The following TRIB1 variants were observed in gnomAD, a reference collection of about 807,000 sequenced individuals.
The protein encoded by TRIB1 is tribbles pseudokinase 1.
In TRIB1, 12 loss-of-function variants were observed where a neutral mutation model predicts 27.8. The ratio of observed to expected loss-of-function variants is 0.43; its 90% CI spans 0.28 to 0.70. TRIB1 has a LOEUF of 0.70. Among genes scored for constraint, TRIB1 ranks in the 30% least tolerant of loss-of-function variants. The pLI is 0.18. For synonymous variants in TRIB1, 230 were observed against 224.9 expected (o/e 1.02, Z -0.20); for missense variants, 475 against 515.8 (o/e 0.92, Z 0.77).
In TRIB1 at chr8:125,436,056, A is replaced by T; in HGVS notation, c.704A>T (p.Glu235Val). 6.2e-7 allele frequency: 1 copy of T among 1,613,992 alleles called. No homozygotes were observed. Among genetic ancestry groups the T allele is most frequent in the Non-Finnish European group, 8.5e-7 (1 of 1,179,984 alleles). Residue 235 changes from glutamate (E) to valine (V), a missense_variant, in exon 3 of 3, where the codon GAA becomes GTA. Glu to Val is a moderately radical substitution (Grantham distance 121). Coordinates refer to ENST00000311922, the MANE Select transcript of TRIB1 (RefSeq NM_025195.4). ...GAAGACACACACATAATGAAGGGGG[A>T]AGATGATGCTTTGTCAGACAAACAT... ...SLEDTHIMKG[E>V]DDALSDKHGC...
In TRIB1 at chr8:125,433,248, T is replaced by A. The variant is rs1268029271; in HGVS notation, c.361-69T>A. ...CACAGGTTGAGAACTTCTGTTCAGC[T>A]CCCTCAGGGGTTTGGGAGGCTGCCT... is the stretch of plus-strand genomic sequence containing the variant. On this transcript the variant is annotated intron_variant, in intron 1 of 2. Coordinates refer to ENST00000311922, the MANE Select transcript of TRIB1 (RefSeq NM_025195.4). This position sits in a 1 kb window ranked among gnomAD's most constrained non-coding sequence, Gnocchi z 4.4. 30 of 1,505,318 alleles carry A rather than the reference T, an allele frequency of 2.0e-5. No homozygotes were observed. The highest frequency in any genetic ancestry group is 2.7e-5 in the Non-Finnish European group (30 of 1,103,142). 93.2% of individuals were successfully genotyped at this position (1,505,318 alleles called of 1,614,324 possible).
rs1814742376 is a variant in TRIB1 at position 125,436,063 on chromosome 8, T to C, written c.711T>C (p.Asp237=). ...EDTHIMKGED[D]ALSDKHGCPA... is the part of the protein sequence containing the mutation. ...CACACATAATGAAGGGGGAAGATGA[T>C]GCTTTGTCAGACAAACATGGCTGCC... Residue 237 remains aspartate (D), a synonymous_variant, in exon 3 of 3, where the codon GAT becomes GAC. Coordinates refer to ENST00000311922, the MANE Select transcript of TRIB1 (RefSeq NM_025195.4). The C allele has an allele frequency of 6.2e-7, 1 of 1,614,080 alleles. No homozygotes were observed. The highest frequency in any genetic ancestry group is 1.3e-5 in the African/African-American group (1 of 74,918).
Position 125,437,864 on chromosome 8 carries a change from A to C in TRIB1, c.*1393A>C, listed in dbSNP as rs1033287662. 1 of 152,836 alleles carries C rather than the reference A, an allele frequency of 6.5e-6. No homozygotes were observed. Among genetic ancestry groups the C allele is most frequent in the Non-Finnish European group, 1.5e-5 (1 of 68,050 alleles). The allele number at this position is 152,836 out of a possible 1,614,324, so 9.5% of individuals were successfully genotyped here. On this transcript the variant is annotated 3_prime_UTR_variant, in exon 3 of 3. Coordinates refer to ENST00000311922, the MANE Select transcript of TRIB1 (RefSeq NM_025195.4). Reference sequence around the variant, plus strand: ...TCAGTAACTGTCTTGGACAGTGCTGAAATCAGGTGGTTAAACGGGTAAACA... The same window carrying C: ...TCAGTAACTGTCTTGGACAGTGCTGCAATCAGGTGGTTAAACGGGTAAACA...
Position 125,430,759 on chromosome 8 carries a change from C to T in TRIB1, c.-144C>T, listed in dbSNP as rs1586846594. ...CGCCGGGGAGTGGCTCCTGCTTTGC[C>T]CCTCGTGGGGGCCGAGCCAAGACCA... On this transcript the variant is annotated 5_prime_UTR_variant, in exon 1 of 3. Transcript: ENST00000311922. The T allele has an allele frequency of 4.4e-6, 5 of 1,124,178 alleles. No individual in the cohort carries two copies. Among genetic ancestry groups the T allele is most frequent in the Non-Finnish European group, 5.8e-6 (5 of 869,070 alleles). 69.6% of individuals were successfully genotyped at this position (1,124,178 alleles called of 1,614,324 possible).
intron 2 of TRIB1, among the ~76,000 whole-genome samples, chr8:125,434,174 A>C (rs1814710005): frequency 6.6e-6 from 1 of 152,130 alleles, no homozygotes; most frequent in African/African-American, 2.4e-5. Context: ...TTGAATAGTA[A>C]ATGGAAGTTG....
Position 125,437,514 on chromosome 8 carries a change from A to T in TRIB1, c.*1043A>T, listed in dbSNP as rs1159966366. ...CTCCCAGATATGGTCCGCCTTTGGC[A>T]TTGTGTGTACATCTGCAGTTTTGCA... On this transcript the variant is annotated 3_prime_UTR_variant, in exon 3 of 3. Coordinates refer to ENST00000311922, the MANE Select transcript of TRIB1 (RefSeq NM_025195.4). 6.6e-6 allele frequency: 1 copy of T among 152,358 alleles called. No homozygotes were observed. 9.4% of individuals were successfully genotyped at this position (152,358 alleles called of 1,614,324 possible). A position where few individuals can be genotyped will look rare whatever the true frequency, so the allele number is the denominator to read the frequency against.
Position 125,433,381 on chromosome 8 carries a change from A to C in TRIB1, c.425A>C (p.Asn142Thr). 2 of 1,614,250 alleles carry C rather than the reference A, an allele frequency of 1.2e-6. No homozygotes were observed. Among genetic ancestry groups the C allele is most frequent in the Non-Finnish European group, 1.7e-6 (2 of 1,180,046 alleles). The change falls in exon 2 of 3, where the codon AAC (asparagine) becomes ACC (threonine). Residue 142 changes from asparagine (N) to threonine (T), a missense_variant. Transcript: ENST00000311922. The surrounding 1 kb of genome is among the most constrained non-coding windows in gnomAD (Gnocchi z 4.4). ...TACATCCAGCTGCCATCGCACAGCA[A>C]CATTACTGGCATTGTGGAAGTGATC... ...RPYIQLPSHSNITGIVEVILG... is the reference protein window; with the variant it reads ...RPYIQLPSHSTITGIVEVILG...
At chr8:125,432,703 G>T (rs1378693091) in intron 1 of TRIB1, among the ~76,000 whole-genome samples, 1 of 152,158 alleles carries the variant, frequency 6.6e-6, no homozygotes, top group Non-Finnish European at 1.5e-5. Flanking sequence ...ACTCAAGGCT[G>T]CTTACACTTG....
rs1241107540 is a variant in TRIB1 at position 125,430,735 on chromosome 8, G to T, written c.-168G>T. 4.5e-6 allele frequency: 4 copies of T among 896,502 alleles called. No homozygotes were observed. In the African/African-American group the frequency reaches 5.3e-5, roughly 12 times the overall value. 55.5% of individuals were successfully genotyped at this position (896,502 alleles called of 1,614,324 possible). On this transcript the variant is annotated 5_prime_UTR_variant, in exon 1 of 3. Transcript: ENST00000311922. ...CGTGGTCCCCGCGTGCAACGCGAGC[G>T]CCGGGGAGTGGCTCCTGCTTTGCCC...
At chr8:125,434,711 C>T (rs993342783) in intron 2 of TRIB1, among the ~76,000 whole-genome samples, 1 of 152,078 alleles carries the variant, frequency 6.6e-6, no homozygotes, top group South Asian at 2.1e-4. Flanking sequence ...TTTGGCAACC[C>T]GGGGGTTAAG....
chr8:125,431,583 TTC>T (rs989006272), intron 1 of TRIB1, among the ~76,000 whole-genome samples: 1 of 152,218 alleles, frequency 6.6e-6, no homozygotes, highest in Non-Finnish European at 1.5e-5. Context: ...GCCATTCCCC[TTC>T]TCTCATTCTC....
In TRIB1 at chr8:125,437,671, C is replaced by G. The variant is rs1346097162; in HGVS notation, c.*1200C>G. On this transcript the variant is annotated 3_prime_UTR_variant, in exon 3 of 3. Transcript: ENST00000311922. ...AAAAATCATCCGGTCCAATCTCTTT[C>G]CTCTTTCTGCCACCTCCCAAGGCAG... 6.6e-6 allele frequency: 1 copy of G among 152,350 alleles called. No individual in the cohort carries two copies. Among genetic ancestry groups the G allele is most frequent in the African/African-American group, 2.4e-5 (1 of 41,456 alleles). 9.4% of individuals were successfully genotyped at this position (152,350 alleles called of 1,614,324 possible). A position where few individuals can be genotyped will look rare whatever the true frequency, so the allele number is the denominator to read the frequency against.
intron 1 of TRIB1, 113 bp downstream of exon 1, chr8:125,431,375 G>A: frequency 1.8e-6 from 2 of 1,121,080 alleles, no homozygotes; most frequent in Non-Finnish European, 2.3e-6. Context: ...CGGATCAGTA[G>A]ATTGGGTCAG....
At chr8:125,435,217 T>C (rs1257065086) in intron 2 of TRIB1, among the ~76,000 whole-genome samples, 4 of 151,082 alleles carry the variant, frequency 2.6e-5, no homozygotes, top group Non-Finnish European at 5.9e-5. Flanking sequence ...AGACCCCCCC[T>C]GTAGAATACA....
Position 125,431,146 on chromosome 8 carries a change from T to A in TRIB1, c.244T>A (p.Ser82Thr). Residue 82 changes from serine to threonine, a missense_variant, in exon 1 of 3, where the codon TCC becomes ACC. By Grantham distance (58) the Ser-to-Thr change is moderately conservative. Transcript: ENST00000311922. ...PPAAPGAGGG[S>T]GSAPGPSRIA... ...TGCCGCTCCGGGGGCCGGCGGAGGC[T>A]CCGGGAGCGCGCCGGGGCCCAGCCG... is the stretch of plus-strand genomic sequence containing the variant. The A allele has an allele frequency of 7.6e-7, 1 of 1,311,034 alleles. No homozygotes were observed. Among genetic ancestry groups the A allele is most frequent in the Non-Finnish European group, 9.6e-7 (1 of 1,037,714 alleles). The allele number at this position is 1,311,034 out of a possible 1,614,324, so 81.2% of individuals were successfully genotyped here. A position where few individuals can be genotyped will look rare whatever the true frequency, so the allele number is the denominator to read the frequency against.
chr8:125,436,964 T>A lies in TRIB1; in HGVS notation c.*493T>A, dbSNP rs1038452704. 14 of 181,312 alleles carry A rather than the reference T, an allele frequency of 7.7e-5. No individual in the cohort carries two copies. The highest frequency in any genetic ancestry group is 3.3e-4 in the African/African-American group (14 of 41,814). The allele number at this position is 181,312 out of a possible 1,614,324, so 11.2% of individuals were successfully genotyped here. A position where few individuals can be genotyped will look rare whatever the true frequency, so the allele number is the denominator to read the frequency against. ...CTGATGGGAAAGTTCCTTTTTTGGC[T>A]TAACACTCACCCTTTCTTCACACTC... On this transcript the variant is annotated 3_prime_UTR_variant, in exon 3 of 3. Transcript: ENST00000311922.
Position 125,433,754 on chromosome 8 carries a change from G to A in TRIB1, c.653+145G>A. 9.5e-7 allele frequency: 1 copy of A among 1,055,106 alleles called. No individual in the cohort carries two copies. The highest frequency in any genetic ancestry group is 1.7e-5 in the South Asian group (1 of 60,342). 65.4% of individuals were successfully genotyped at this position (1,055,106 alleles called of 1,614,324 possible). ...TAGTATTTAGAGCTTCTGTTCCTGA[G>A]GAGTCACAGCCAAGGTTGGTTTATT... On this transcript the variant is annotated intron_variant, in intron 2 of 2. Transcript: ENST00000311922. The surrounding 1 kb of genome is among the most constrained non-coding windows in gnomAD (Gnocchi z 4.4).
Position 125,433,047 on chromosome 8 carries a change from T to C in TRIB1, c.361-270T>C, listed in dbSNP as rs981361150. On this transcript the variant is annotated intron_variant, in intron 1 of 2. Transcript: ENST00000311922. This position sits in a 1 kb window ranked among gnomAD's most constrained non-coding sequence, Gnocchi z 4.4. ...GGAGCTGACAGAAGATGGGAACATG[T>C]ACAGGAGACAGTTCTTTCAAATCAT... The C allele has an allele frequency of 2.3e-6, 1 of 442,224 alleles. No homozygotes were observed. The highest frequency in any genetic ancestry group is 2.0e-5 in the African/African-American group (1 of 51,196). The allele number at this position is 442,224 out of a possible 1,614,324, so 27.4% of individuals were successfully genotyped here. A position where few individuals can be genotyped will look rare whatever the true frequency, so the allele number is the denominator to read the frequency against.
In TRIB1 at chr8:125,430,916, C is replaced by T; in HGVS notation, c.14C>T (p.Pro5Leu). 1 of 1,454,030 alleles carries T rather than the reference C, an allele frequency of 6.9e-7. No individual in the cohort carries two copies. The highest frequency in any genetic ancestry group is 9.0e-7 in the Non-Finnish European group (1 of 1,110,602). 90.1% of individuals were successfully genotyped at this position (1,454,030 alleles called of 1,614,324 possible). A position where few individuals can be genotyped will look rare whatever the true frequency, so the allele number is the denominator to read the frequency against. The change falls in exon 1 of 3, where the codon CCG becomes CTG. Residue 5 changes from proline to leucine, a missense_variant. Pro to Leu is a moderately conservative substitution (Grantham distance 98). Coordinates refer to ENST00000311922, the MANE Select transcript of TRIB1 (RefSeq NM_025195.4). ...GCCCAGGACGGGATGCGGGTCGGTC[C>T]GGTGCGCTCTGCCATGAGCGGCGCC... The part of the protein sequence containing the change: MRVG[P>L]VRSAMSGASQ...
Sources: allele counts gnomAD v4.1 joint callset (sites outside exome capture counted in the v4.1 genomes callset), GRCh38; gene constraint gnomAD v4.1.1; non-coding constraint Gnocchi (gnomAD v3.1); transcripts MANE v1.5; gene names NCBI Gene and HGNC (gene_info 2026-07-23, HGNC 2026-07-21).